Variants in RNF216 observed in about 807,000 individuals in gnomAD.
RNF216 encodes ring finger protein 216, also known as E3 ubiquitin-protein ligase RNF216.
A neutral mutation model predicts 110.8 loss-of-function variants in RNF216; 72 were observed. The ratio of observed to expected loss-of-function variants is 0.65; its 90% CI spans 0.54 to 0.79. The LOEUF is 0.79. RNF216 is among the 30% of genes least tolerant of loss of function. The pLI, the probability that RNF216 is intolerant of heterozygous loss-of-function variation, is 0.00. For missense variants in RNF216, 1,342 were observed against 1,141.2 expected (o/e 1.18, Z -2.54); for synonymous variants, 495 against 407.5 (o/e 1.21, Z -2.59).
At chr7:5,747,799 A>G (rs948335156) in intron 3 of RNF216, among the ~76,000 whole-genome samples, 20 of 151,270 alleles carry the variant, frequency 1.3e-4, no homozygotes, top group Non-Finnish European at 2.5e-4. Context: ...GAAAAAATAA[A>G]TAATAACTAG....
At chr7:5,627,010 AACC>A (rs1397046617) in intron 15 of RNF216, among the ~76,000 whole-genome samples, 1 of 152,138 alleles carries the variant, frequency 6.6e-6, no homozygotes, top group African/African-American at 2.4e-5. Context: ...AGGACTGCAC[AACC>A]ACCACTCTGC....
At chr7:5,760,341 AC>A in intron 2 of RNF216, 1 of 244,926 alleles carries the variant, frequency 4.1e-6, no homozygotes, top group Non-Finnish European at 8.4e-6. Context: ...ACGTGGAGAA[AC>A]CCCATCTCTA....
chr7:5,718,696 G>A (rs962488624), intron 9 of RNF216, among the ~76,000 whole-genome samples: 1 of 152,014 alleles, frequency 6.6e-6, no homozygotes, highest in African/African-American at 2.4e-5. Flanking sequence ...GATTACAGGT[G>A]TGTGCCACCA....
rs1267186016 is a variant in RNF216 at position 5,696,068 on chromosome 7, T to C, written c.2061+15693A>G. On this transcript the variant is annotated intron_variant, in intron 13 of 16. Transcript: ENST00000389902. The surrounding 1 kb of genome is among the most constrained non-coding windows in gnomAD (Gnocchi z 5.4). ...CACAACCCAGCACGGCCTTGATCCC[T>C]GACTCCCAGGAGGCACGGAAGGACA... Among the ~76,000 whole-genome samples the C allele has an allele frequency of 6.6e-6, 1 of 152,140 alleles. No individual in the cohort carries two copies. Among genetic ancestry groups the C allele is most frequent in the Non-Finnish European group, 1.5e-5 (1 of 68,016 alleles).
chr7:5,664,461 T>C (rs1789373505), intron 13 of RNF216, among the ~76,000 whole-genome samples: 1 of 152,206 alleles, frequency 6.6e-6, no homozygotes, highest in African/African-American at 2.4e-5. Context: ...CTGCATATGT[T>C]TCAATTAGGA....
intron 1 of RNF216, among the ~76,000 whole-genome samples, chr7:5,768,952 T>G (rs1017753624): frequency 1.3e-5 from 2 of 151,970 alleles, no homozygotes; most frequent in African/African-American, 4.8e-5. Flanking sequence ...TGAGCCACTG[T>G]GCCCGGCCAA....
At chr7:5,669,555 G>A (rs903637859) in intron 13 of RNF216, among the ~76,000 whole-genome samples, 7 of 152,144 alleles carry the variant, frequency 4.6e-5, no homozygotes, top group African/African-American at 1.7e-4. Flanking sequence ...TCTAAATCAA[G>A]ACCTAAACTT....
At chr7:5,685,900 T>G in intron 13 of RNF216, among the ~76,000 whole-genome samples, 1 of 152,156 alleles carries the variant, frequency 6.6e-6, no homozygotes, top group Non-Finnish European at 1.5e-5. Context: ...TATAATGCAT[T>G]TCTATGTACT....
At chr7:5,633,553 C>A (rs534811417) in intron 15 of RNF216, among the ~76,000 whole-genome samples, 1 of 151,956 alleles carries the variant, frequency 6.6e-6, no homozygotes, top group East Asian at 1.9e-4. Context: ...CCAGCCTGGG[C>A]GACAGAGGGA....
chr7:5,640,440 G>A (rs757210504), intron 15 of RNF216, among the ~76,000 whole-genome samples: 10 of 152,160 alleles, frequency 6.6e-5, no homozygotes, highest in Non-Finnish European at 1.0e-4. Flanking sequence ...ATCTGAGGCC[G>A]GCCCCTGGGC....
intron 1 of RNF216, among the ~76,000 whole-genome samples, chr7:5,764,736 A>G (rs1796111890): frequency 6.6e-6 from 1 of 152,252 alleles, no homozygotes; most frequent in Non-Finnish European, 1.5e-5. Flanking sequence ...ATAATTGTAA[A>G]CTTCAAATTC....
At chr7:5,753,942 C>T (rs1213772538) in intron 2 of RNF216, among the ~76,000 whole-genome samples, 1 of 152,080 alleles carries the variant, frequency 6.6e-6, no homozygotes, top group African/African-American at 2.4e-5. Context: ...TTGCAGTGAG[C>T]TGAGATCGCA....
intron 13 of RNF216, among the ~76,000 whole-genome samples, chr7:5,701,519 C>G (rs117660339): frequency 6.6e-6 from 1 of 152,186 alleles, no homozygotes; most frequent in Non-Finnish European, 1.5e-5. Context: ...ACTTTACCCA[C>G]GCTGTTTCCA....
intron 13 of RNF216, among the ~76,000 whole-genome samples, chr7:5,686,075 T>C (rs1244364033): frequency 2.0e-5 from 3 of 151,366 alleles, no homozygotes; most frequent in Non-Finnish European, 4.4e-5. Flanking sequence ...ATGCAAAAAT[T>C]AGCCAGGCGT....
At chr7:5,692,370 G>C (rs917212914) in intron 13 of RNF216, among the ~76,000 whole-genome samples, 2 of 152,180 alleles carry the variant, frequency 1.3e-5, no homozygotes, top group African/African-American at 4.8e-5. Context: ...TTTAAAAAGC[G>C]GTCATAGCAA....
At chr7:5,774,781 G>C (rs549362704) in intron 1 of RNF216, among the ~76,000 whole-genome samples, 2 of 150,888 alleles carry the variant, frequency 1.3e-5, no homozygotes, top group African/African-American at 4.9e-5. Flanking sequence ...TTATTGAGAC[G>C]AAGTTTTGCT....
At chr7:5,634,627 A>G (rs950678474) in intron 15 of RNF216, among the ~76,000 whole-genome samples, 6 of 152,210 alleles carry the variant, frequency 3.9e-5, no homozygotes, top group African/African-American at 1.4e-4. Context: ...TGGCTTCTGC[A>G]GCCACCTCCT....
At chr7:5,778,091 T>C (rs908287498) in intron 1 of RNF216, among the ~76,000 whole-genome samples, 41 of 152,250 alleles carry the variant, frequency 2.7e-4, no homozygotes, top group African/African-American at 9.9e-4. Flanking sequence ...ATTTGAGTTA[T>C]TTCTTTTAAA....
chr7:5,756,560 A>T (rs926335589), intron 2 of RNF216, among the ~76,000 whole-genome samples: 1 of 152,142 alleles, frequency 6.6e-6, no homozygotes, highest in Non-Finnish European at 1.5e-5. Context: ...ATGCCCGGCT[A>T]ATTTTTGTAT....
Sources: allele counts gnomAD v4.1 joint callset (sites outside exome capture counted in the v4.1 genomes callset), GRCh38; gene constraint gnomAD v4.1.1; non-coding constraint Gnocchi (gnomAD v3.1); transcripts MANE v1.5; gene names NCBI Gene and HGNC (gene_info 2026-07-23, HGNC 2026-07-21).